Variants in TNFAIP8 observed in about 807,000 individuals in gnomAD.
The protein encoded by TNFAIP8 is tumor necrosis factor alpha-induced protein 8.
Under a neutral mutation model 13.3 loss-of-function variants are expected in TNFAIP8, and 7 were observed. The ratio of observed to expected loss-of-function variants is 0.52; its 90% CI spans 0.30 to 0.99. The LOEUF (loss-of-function observed/expected upper bound fraction) is 0.99, where lower values mean the gene tolerates loss of function less well. Ranked by LOEUF, TNFAIP8 falls within the 50% of genes least tolerant of loss-of-function variation. TNFAIP8 has a pLI of 0.07. For synonymous variants in TNFAIP8, 94 were observed against 87.6 expected, an observed-to-expected ratio of 1.07 and a Z score of -0.41; for missense variants, 258 against 236.9, an observed-to-expected ratio of 1.09 and a Z score of -0.58.
intron 1 of TNFAIP8, among the ~76,000 whole-genome samples, chr5:119,363,688 C>G (rs771936412): frequency 1.3e-4 from 20 of 152,134 alleles, no homozygotes; most frequent in Non-Finnish European, 5.9e-5. Context: ...TTACACCAAC[C>G]AGTTTTCCAA....
chr5:119,369,842 A>G (rs1357298588), intron 1 of TNFAIP8, among the ~76,000 whole-genome samples: 1 of 152,122 alleles, frequency 6.6e-6, no homozygotes, highest in Non-Finnish European at 1.5e-5. Context: ...TGTGTTTTGG[A>G]TCACTGTTCT....
intron 1 of TNFAIP8, among the ~76,000 whole-genome samples, chr5:119,320,935 G>C (rs13180238): frequency 6.6e-6 from 1 of 152,294 alleles, no homozygotes; most frequent in Admixed American, 6.5e-5. Context: ...GACTAGACTT[G>C]GCTGGGCACG....
intron 1 of TNFAIP8, among the ~76,000 whole-genome samples, chr5:119,308,251 G>C (rs563404408): frequency 5.9e-5 from 9 of 152,266 alleles, no homozygotes; most frequent in African/African-American, 9.6e-5. Flanking sequence ...CCAGAAGTCT[G>C]CCGCCTGTGA....
chr5:119,340,139 A>G (rs530771286), intron 1 of TNFAIP8, among the ~76,000 whole-genome samples: 12 of 152,312 alleles, frequency 7.9e-5, no homozygotes, highest in Middle Eastern at 3.4e-3. Flanking sequence ...AGAGGTAGCC[A>G]TTTATCTTTT....
At chr5:119,356,556 AAG>A (rs1294132727) in intron 1 of TNFAIP8, among the ~76,000 whole-genome samples, 2 of 152,106 alleles carry the variant, frequency 1.3e-5, no homozygotes, top group African/African-American at 4.8e-5. Context: ...TTCCGGCTAA[AAG>A]GGGAAGCTGA....
intron 1 of TNFAIP8, among the ~76,000 whole-genome samples, chr5:119,309,114 A>G (rs565952789): frequency 6.6e-6 from 1 of 152,336 alleles, no homozygotes; most frequent in East Asian, 1.9e-4. Context: ...CCTTTACTGC[A>G]GTTTCCTCCT....
At chr5:119,336,704 T>C (rs1750561268) in intron 1 of TNFAIP8, among the ~76,000 whole-genome samples, 1 of 152,230 alleles carries the variant, frequency 6.6e-6, no homozygotes, top group Admixed American at 6.5e-5. Context: ...GCTATTTGGA[T>C]ATAATAAATA....
chr5:119,308,735 G>A lies in TNFAIP8; in HGVS notation c.1+39828G>A, dbSNP rs1478303608. ...AAATTAGCCAGGTGCAGTGGCAGGTGCCTGTAATCCCAGCTACTCGGGAGG... is the reference window on the plus strand; with the variant it reads ...AAATTAGCCAGGTGCAGTGGCAGGTACCTGTAATCCCAGCTACTCGGGAGG... On this transcript the variant is annotated intron_variant, in intron 1 of 1. Transcript: ENST00000274456. Among the ~76,000 whole-genome samples the A allele has an allele frequency of 2.0e-5, 3 of 151,730 alleles. No individual in the cohort carries two copies. The East Asian group carries it at 5.8e-4, about 29-fold the overall frequency.
upstream of TNFAIP8, among the ~76,000 whole-genome samples, chr5:119,354,024 G>A (rs1238072930): frequency 1.3e-5 from 2 of 152,200 alleles, no homozygotes; most frequent in African/African-American, 4.8e-5. Context: ...AAGGATAGAT[G>A]GTATAGGGAG....
chr5:119,340,823 G>C (rs1750711625), intron 1 of TNFAIP8, among the ~76,000 whole-genome samples: 3 of 152,208 alleles, frequency 2.0e-5, no homozygotes, highest in Non-Finnish European at 4.4e-5. Context: ...ACCAAGTTGA[G>C]TATTTTTAGT....
chr5:119,356,050 T>A lies in TNFAIP8; in HGVS notation c.-41T>A, dbSNP rs200554263. 5 of 1,556,774 alleles carry A rather than the reference T, an allele frequency of 3.2e-6. No homozygotes were observed. Among genetic ancestry groups the A allele is most frequent in the Admixed American group, 1.9e-5 (1 of 51,792 alleles). On this transcript the variant is annotated 5_prime_UTR_variant, in exon 1 of 2. An upstream start codon of the reference 5' UTR is lost. Coordinates refer to ENST00000504771, the MANE Select transcript of TNFAIP8 (RefSeq NM_014350.4). ...CGAACTTGCGGCTCGTCCGAGTACA[T>A]GTGAGCGGTAATCGCCCCTGCAGCT...
intron 1 of TNFAIP8, among the ~76,000 whole-genome samples, chr5:119,325,919 A>G (rs968514355): frequency 2.0e-5 from 3 of 151,884 alleles, no homozygotes; most frequent in Non-Finnish European, 4.4e-5. Context: ...TATACCTCCA[A>G]TGCCACTTCT....
chr5:119,381,603 A>T (rs991218666), intron 1 of TNFAIP8, among the ~76,000 whole-genome samples: 3 of 151,996 alleles, frequency 2.0e-5, no homozygotes, highest in African/African-American at 7.3e-5. Flanking sequence ...TATAGAGGCC[A>T]TTCCCCTGTC....
chr5:119,368,430 C>CGTGTGTGTGT (rs376615641), intron 1 of TNFAIP8, among the ~76,000 whole-genome samples: 2,087 of 132,978 alleles, frequency 0.016, 15 homozygotes, highest in Non-Finnish European at 0.023. Flanking sequence ...TTCTAAGCAG[C>CGTGTGTGTGT]GTGTGTGTGT....
intron 1 of TNFAIP8, among the ~76,000 whole-genome samples, chr5:119,299,804 T>C (rs1749302690): frequency 6.6e-6 from 1 of 152,224 alleles, no homozygotes; most frequent in African/African-American, 2.4e-5. Context: ...TAAGCAAGCC[T>C]GGGAAATGGC....
chr5:119,384,196 A>G (rs1388687709), intron 1 of TNFAIP8, among the ~76,000 whole-genome samples: 1 of 152,176 alleles, frequency 6.6e-6, no homozygotes, highest in Non-Finnish European at 1.5e-5. Flanking sequence ...CTTCAGTAAG[A>G]TAACGTGGCC....
chr5:119,294,443 TCATTGTTGGA>T, intron 1 of TNFAIP8, among the ~76,000 whole-genome samples: 1 of 152,322 alleles, frequency 6.6e-6, no homozygotes, highest in East Asian at 1.9e-4. Flanking sequence ...ATCCAGTCTA[TCATTGTTGGA>T]CATTTGGGTT....
intron 1 of TNFAIP8, among the ~76,000 whole-genome samples, chr5:119,360,968 G>A (rs1751611692): frequency 6.6e-6 from 1 of 152,112 alleles, no homozygotes; most frequent in African/African-American, 2.4e-5. Context: ...TAAACAGTGA[G>A]CTCACTTGTT....
rs1411394959 is a variant in TNFAIP8, at chr5:119,396,209, A to G, written c.*2828A>G. 6.6e-6 allele frequency: 1 copy of G among 152,260 alleles called. No homozygotes were observed. Among genetic ancestry groups the G allele is most frequent in the African/African-American group, 2.4e-5 (1 of 41,460 alleles). The allele number at this position is 152,260 out of a possible 1,614,324, so 9.4% of individuals were successfully genotyped here. The stretch of plus-strand genomic sequence containing the variant: ...GCTAGGAACATCTTTGGCTCAGAGA[A>G]GCGTGGGCAGTATGCTGCTGAAATG... On this transcript the variant is annotated 3_prime_UTR_variant, in exon 2 of 2. Transcript: ENST00000504771.
Sources: allele counts gnomAD v4.1 joint callset (sites outside exome capture counted in the v4.1 genomes callset), GRCh38; gene constraint gnomAD v4.1.1; transcripts MANE v1.5; gene names NCBI Gene and HGNC (gene_info 2026-07-23, HGNC 2026-07-21).